The following BRWD1 variants were observed in gnomAD, a reference collection of about 807,000 sequenced individuals.
The protein encoded by BRWD1 is bromodomain and WD repeat domain containing 1, also known as bromodomain and WD repeat-containing protein 1.
A neutral mutation model predicts 251.2 loss-of-function variants in BRWD1; 82 were observed. The ratio of observed to expected loss-of-function variants is 0.33; its 90% confidence interval spans 0.27 to 0.39. BRWD1 has a LOEUF of 0.39. BRWD1 is among the 10% of genes least tolerant of loss of function. BRWD1 has a pLI of 1.00. For missense variants in BRWD1, 2,233 were observed against 2,711.6 expected (o/e 0.82, Z 3.92); for synonymous variants, 918 against 902.8 (o/e 1.02, Z -0.30).
In BRWD1 at chr21:39,294,661, A is replaced by C. The variant is rs953601313; in HGVS notation, c.610-629T>G. ...CAGAGTGAGACTCCGTCTCAAAAAAAAAAAAAAAAAGTCTATTCACATCAA... is the reference window on the plus strand; with the variant it reads ...CAGAGTGAGACTCCGTCTCAAAAAACAAAAAAAAAAGTCTATTCACATCAA... On this transcript the variant is annotated intron_variant, in intron 7 of 40. Coordinates refer to ENST00000342449, the MANE Select transcript of BRWD1 (RefSeq NM_033656.4). 2.0e-5 allele frequency among the ~76,000 whole-genome samples: 3 copies of C among 151,982 alleles called. No homozygotes were observed. The East Asian group carries it at 5.8e-4, about 29-fold the overall frequency.
intron 4 of BRWD1, 74 bp from the exon 5 acceptor site, chr21:39,298,656 G>A: frequency 8.1e-7 from 1 of 1,241,124 alleles, no homozygotes; most frequent in Non-Finnish European, 1.1e-6. Context: ...GGATAAGTCT[G>A]GCAAAATGTG....
At chr21:39,256,135 T>G (rs752410630) in intron 18 of BRWD1, among the ~76,000 whole-genome samples, 4 of 152,208 alleles carry the variant, frequency 2.6e-5, no homozygotes, top group African/African-American at 4.8e-5. Flanking sequence ...AATCTTAACA[T>G]GACTAAGATC....
In BRWD1 at chr21:39,192,573, C is replaced by A; in HGVS notation, c.*3686G>T. 1.0e-6 allele frequency: 1 copy of A among 984,040 alleles called. No homozygotes were observed. The highest frequency in any genetic ancestry group is 1.2e-6 in the Non-Finnish European group (1 of 828,778). 61.0% of individuals were successfully genotyped at this position (984,040 alleles called of 1,614,324 possible). On this transcript the variant is annotated 3_prime_UTR_variant, in exon 41 of 41. Coordinates refer to ENST00000342449, the MANE Select transcript of BRWD1 (RefSeq NM_033656.4). ...AAATAATTGAACTATAATTTCCATACAACATAAGAAAACTACAGTATTTGG... is the reference window on the plus strand; with the variant it reads ...AAATAATTGAACTATAATTTCCATAAAACATAAGAAAACTACAGTATTTGG...
chr21:39,239,087 AT>A (rs1348774272), intron 21 of BRWD1, among the ~76,000 whole-genome samples: 2 of 152,028 alleles, frequency 1.3e-5, no homozygotes, highest in Non-Finnish European at 2.9e-5. Flanking sequence ...AATATAAGTC[AT>A]TTATCAGATA....
At chr21:39,235,897 T>G in intron 23 of BRWD1, 1 of 172,970 alleles carries the variant, frequency 5.8e-6, no homozygotes. Context: ...CAAACCACTG[T>G]GGCAATTCCC....
chr21:39,291,273 G>A (rs557087539), intron 8 of BRWD1, among the ~76,000 whole-genome samples: 2 of 152,258 alleles, frequency 1.3e-5, no homozygotes, highest in African/African-American at 2.4e-5. Context: ...CAGCCTAGGT[G>A]AATGTGCATA....
chr21:39,253,178 A>G (rs1475539796), intron 19 of BRWD1, among the ~76,000 whole-genome samples: 2 of 150,462 alleles, frequency 1.3e-5, no homozygotes, highest in African/African-American at 2.4e-5. Context: ...AATCCCAGCT[A>G]CTCTGGAGGC....
At position 39,264,447 on chromosome 21, in the gene BRWD1, A is replaced by G; in HGVS notation, c.1885+13T>C. 4 of 1,360,264 alleles carry G rather than the reference A, an allele frequency of 2.9e-6. No individual in the cohort carries two copies. Among genetic ancestry groups the G allele is most frequent in the South Asian group, 1.4e-5 (1 of 70,302 alleles). 84.3% of individuals were successfully genotyped at this position (1,360,264 alleles called of 1,614,324 possible). A position where few individuals can be genotyped will look rare whatever the true frequency, so the allele number is the denominator to read the frequency against. ...CAACTTTAAAAAAAAAAAAAAAAAA[A>G]GACTGCACTTACTTGTTGCCACATA... is the stretch of plus-strand genomic sequence containing the variant. On this transcript the variant is annotated intron_variant, in intron 17 of 40. Coordinates refer to ENST00000342449, the MANE Select transcript of BRWD1 (RefSeq NM_033656.4).
chr21:39,315,546 A>G (rs1481323072), upstream of BRWD1, among the ~76,000 whole-genome samples: 1 of 151,976 alleles, frequency 6.6e-6, no homozygotes, highest in Non-Finnish European at 1.5e-5. Context: ...AGGCAGGAGA[A>G]TCGCTTGAAC....
chr21:39,268,036 T>C (rs2034980092), intron 15 of BRWD1, among the ~76,000 whole-genome samples: 1 of 151,920 alleles, frequency 6.6e-6, no homozygotes, highest in Non-Finnish European at 1.5e-5. Context: ...GAAAAAAAAA[T>C]ACCACTGTGT....
chr21:39,256,328 C>A (rs1189398265), intron 18 of BRWD1, among the ~76,000 whole-genome samples: 1 of 152,148 alleles, frequency 6.6e-6, no homozygotes, highest in African/African-American at 2.4e-5. Context: ...AAGACAGATA[C>A]CTGAAATCAA....
Position 39,188,531 on chromosome 21 carries a change from C to CT in BRWD1, c.*7727dup. The CT allele has an allele frequency of 1.0e-6, 1 of 985,406 alleles. No homozygotes were observed. Among genetic ancestry groups the CT allele is most frequent in the Non-Finnish European group, 1.2e-6 (1 of 829,904 alleles). The allele number at this position is 985,406 out of a possible 1,614,324, so 61.0% of individuals were successfully genotyped here. A position where few individuals can be genotyped will look rare whatever the true frequency, so the allele number is the denominator to read the frequency against. On this transcript the variant is annotated 3_prime_UTR_variant, in exon 41 of 41. Coordinates refer to ENST00000342449, the MANE Select transcript of BRWD1 (RefSeq NM_033656.4). ...AAACCACCAATGCCAACCTTCTGAA[C>CT]TTTTTCTTCTGTGAAGATGTTTGCC... is the stretch of plus-strand genomic sequence containing the variant.
chr21:39,226,613 C>A (rs2033394038), intron 27 of BRWD1, among the ~76,000 whole-genome samples: 1 of 152,164 alleles, frequency 6.6e-6, no homozygotes, highest in South Asian at 2.1e-4. Flanking sequence ...AACTATACAA[C>A]CTGCTAATGT....
intron 4 of BRWD1, among the ~76,000 whole-genome samples, chr21:39,307,443 T>G (rs760359083): frequency 6.6e-6 from 1 of 152,010 alleles, no homozygotes; most frequent in African/African-American, 2.4e-5. Flanking sequence ...ATTATATGTA[T>G]ATATTTTATG....
At position 39,190,450 on chromosome 21, in the gene BRWD1, C is replaced by T. The variant is rs545827660; in HGVS notation, c.*5809G>A. 8.1e-6 allele frequency: 8 copies of T among 985,326 alleles called. No homozygotes were observed. In the East Asian group the frequency reaches 4.5e-4, roughly 56 times the overall value. 61.0% of individuals were successfully genotyped at this position (985,326 alleles called of 1,614,324 possible). On this transcript the variant is annotated 3_prime_UTR_variant, in exon 41 of 41. Coordinates refer to ENST00000342449, the MANE Select transcript of BRWD1 (RefSeq NM_033656.4). ...AACATACTAGCCTCTTTCATAAACT[C>T]CTAGAATCTTGACATTATTGGTTGC...
chr21:39,290,993 G>A (rs2035791139), intron 8 of BRWD1, among the ~76,000 whole-genome samples: 1 of 152,084 alleles, frequency 6.6e-6, no homozygotes. Flanking sequence ...GCCGGGGTTG[G>A]TAAGCACACA....
chr21:39,215,096 C>T, intron 32 of BRWD1, 141 bp downstream of exon 32: 1 of 730,306 alleles, frequency 1.4e-6, no homozygotes, highest in Non-Finnish European at 2.2e-6. Context: ...TCTCAAATGC[C>T]TGACCGCAAG....
rs1316825982 is a variant in BRWD1, at chr21:39,186,825, AATTT to A, written c.*9430_*9433del. On this transcript the variant is annotated 3_prime_UTR_variant, in exon 41 of 41. Coordinates refer to ENST00000342449, the MANE Select transcript of BRWD1 (RefSeq NM_033656.4). Reference sequence around the variant, plus strand: ...CCACCTCTCCACCTACAGACTCTGCAATTTATTTCCTCCTCAGAATTCCCCAGAG... The same window carrying A: ...CCACCTCTCCACCTACAGACTCTGCAATTTCCTCCTCAGAATTCCCCAGAG... The A allele has an allele frequency of 1.2e-6, 1 of 813,634 alleles. No individual in the cohort carries two copies. Among genetic ancestry groups the A allele is most frequent in the East Asian group, 3.3e-5 (1 of 30,346 alleles). 50.4% of individuals were successfully genotyped at this position (813,634 alleles called of 1,614,324 possible).
At position 39,313,610 on chromosome 21, in the gene BRWD1, C is replaced by CCGCCGT; in HGVS notation, c.-120_-119insACGGCG. The stretch of plus-strand genomic sequence containing the variant: ...GCGCGCGCCGCCGCCGCCGCCGCCG[C>CCGCCGT]CGCCATACCGTGCGCGCCGCCTGGA... On this transcript the variant is annotated 5_prime_UTR_variant, in exon 1 of 41. Transcript: ENST00000342449. 1.2e-6 allele frequency: 1 copy of CCGCCGT among 817,574 alleles called. No individual in the cohort carries two copies. The highest frequency in any genetic ancestry group is 1.6e-6 in the Non-Finnish European group (1 of 611,952). The allele number at this position is 817,574 out of a possible 1,614,324, so 50.6% of individuals were successfully genotyped here. A position where few individuals can be genotyped will look rare whatever the true frequency, so the allele number is the denominator to read the frequency against.
Sources: gnomAD v4.1 joint callset for allele counts (sites outside exome capture counted in the v4.1 genomes callset) on GRCh38, gnomAD v4.1.1 for gene constraint, MANE v1.5 for transcripts, NCBI Gene and HGNC (gene_info 2026-07-23, HGNC 2026-07-21) for gene names.